DCLK1: variants seen among roughly 807,000 people sequenced by gnomAD.
DCLK1 encodes the protein serine/threonine-protein kinase DCLK1.
Under a neutral mutation model 86.2 loss-of-function variants are expected in DCLK1, and 16 were observed. The observed-to-expected ratio is 0.19, with a 90% CI of 0.13 to 0.28. DCLK1 has a LOEUF of 0.28. Among genes scored for constraint, DCLK1 ranks in the 10% least tolerant of loss-of-function variants. The pLI, the probability that DCLK1 is intolerant of heterozygous loss-of-function variation, is 1.00. For synonymous variants in DCLK1, 369 were observed against 370.5 expected (o/e 1.00, Z 0.05); for missense variants, 590 against 940.2 (o/e 0.63, Z 4.87).
Position 35,927,496 on chromosome 13 carries a change from C to T in DCLK1, c.823+19862G>A, listed in dbSNP as rs927853368. Among the ~76,000 whole-genome samples the T allele has an allele frequency of 2.6e-5, 4 of 152,106 alleles. No individual in the cohort carries two copies. The East Asian group carries it at 5.8e-4, about 22-fold the overall frequency. On this transcript the variant is annotated intron_variant, in intron 4 of 16. Coordinates refer to ENST00000360631, the MANE Select transcript of DCLK1 (RefSeq NM_001330071.2). Reference sequence around the variant, plus strand: ...GATAAGTTCATTGTTTTTGTTACACCGTTTGATTTCTCCTTATTATAAGTG... The same window carrying T: ...GATAAGTTCATTGTTTTTGTTACACTGTTTGATTTCTCCTTATTATAAGTG...
intron 3 of DCLK1, among the ~76,000 whole-genome samples, chr13:35,966,655 C>T (rs1452780415): frequency 1.3e-5 from 2 of 152,028 alleles, no homozygotes; most frequent in African/African-American, 4.8e-5. Context: ...CAGGCGCGCA[C>T]CGCCACGCCT....
At chr13:36,083,811 T>A (rs1884502330) in intron 3 of DCLK1, among the ~76,000 whole-genome samples, 1 of 152,168 alleles carries the variant, frequency 6.6e-6, no homozygotes, top group Admixed American at 6.5e-5. Flanking sequence ...GGTCTTCCAT[T>A]CTAAGCTAGG....
upstream of DCLK1, among the ~76,000 whole-genome samples, chr13:36,131,716 C>T (rs148965911): frequency 1.3e-5 from 2 of 152,212 alleles, no homozygotes; most frequent in Non-Finnish European, 2.9e-5. Context: ...GTGATATGGC[C>T]GAGAGATGAG....
rs555020337 is a variant in DCLK1, at chr13:36,015,103, A to T, written c.724-67646T>A. On this transcript the variant is annotated intron_variant, in intron 3 of 16. Coordinates refer to ENST00000360631, the MANE Select transcript of DCLK1 (RefSeq NM_001330071.2). The stretch of plus-strand genomic sequence containing the variant: ...TGGGAGCAGTGATTATGTCTCTTTC[A>T]TTCACCAATATATTTCCAGCCCTTG... Among the ~76,000 whole-genome samples, 112 of 151,316 alleles carry T rather than the reference A, an allele frequency of 7.4e-4. 1 individual carries two copies. Among genetic ancestry groups the T allele is most frequent in the Middle Eastern group, 6.8e-3 (2 of 294 alleles).
At chr13:35,797,597 A>G (rs1301203462) in intron 15 of DCLK1, among the ~76,000 whole-genome samples, 2 of 152,066 alleles carry the variant, frequency 1.3e-5, no homozygotes, top group Non-Finnish European at 2.9e-5. Context: ...AAATCTTAAA[A>G]CGTTCTAGGA....
chr13:35,831,262 G>A lies in DCLK1; in HGVS notation c.1230-2955C>T, dbSNP rs78390229. 9.1e-4 allele frequency among the ~76,000 whole-genome samples: 138 copies of A among 152,128 alleles called. 2 individuals are homozygous for A. The East Asian group carries it at 0.022, about 24-fold the overall frequency. ...TTTCTTTTTTGATTCCCTGAGGGCC[G>A]AACTACAAAGCCACATAATAAAATC... On this transcript the variant is annotated intron_variant, in intron 8 of 16. Transcript: ENST00000360631.
chr13:35,976,864 G>A (rs2153140714), intron 3 of DCLK1, among the ~76,000 whole-genome samples: 1 of 152,248 alleles, frequency 6.6e-6, no homozygotes, highest in South Asian at 2.1e-4. Context: ...GGCATGCCTG[G>A]CTGGACGCTG....
intron 4 of DCLK1, among the ~76,000 whole-genome samples, chr13:35,915,838 T>G (rs1713693946): frequency 6.6e-6 from 1 of 152,228 alleles, no homozygotes; most frequent in Admixed American, 6.5e-5. Flanking sequence ...TTACTTATGT[T>G]TTGATTGATC....
intron 3 of DCLK1, among the ~76,000 whole-genome samples, chr13:35,967,266 G>A (rs1219764827): frequency 2.0e-5 from 3 of 147,884 alleles, no homozygotes; most frequent in East Asian, 2.0e-4. Context: ...GCCTCTGCCC[G>A]GCCGCCCCGT....
chr13:36,090,286 C>T (rs888795950), intron 3 of DCLK1, among the ~76,000 whole-genome samples: 15 of 152,324 alleles, frequency 9.8e-5, no homozygotes, highest in East Asian at 1.9e-4. Flanking sequence ...CCGATAAGGA[C>T]GCACATCCTC....
At chr13:36,040,366 T>C (rs77452869) in intron 3 of DCLK1, among the ~76,000 whole-genome samples, 1 of 128,242 alleles carries the variant, frequency 7.8e-6, no homozygotes, top group Non-Finnish European at 1.7e-5. Flanking sequence ...TATTCCTCCA[T>C]AGGAATACCC....
intron 5 of DCLK1, among the ~76,000 whole-genome samples, chr13:35,858,103 A>G (rs1356666192): frequency 6.6e-6 from 1 of 152,150 alleles, no homozygotes; most frequent in Non-Finnish European, 1.5e-5. Context: ...CCTGTCAAGA[A>G]TGGATTAGAG....
intron 6 of DCLK1, chr13:35,846,883 G>T: frequency 1.0e-6 from 1 of 985,248 alleles, no homozygotes; most frequent in Non-Finnish European, 1.2e-6. Context: ...TTTGTCAACA[G>T]TTTAGAGTTT....
chr13:36,074,918 T>C (rs1200550227), intron 3 of DCLK1, among the ~76,000 whole-genome samples: 4 of 152,160 alleles, frequency 2.6e-5, no homozygotes. Flanking sequence ...TTTATAAAAC[T>C]ATGAAACAAA....
At chr13:35,903,463 T>G (rs1281832247) in intron 4 of DCLK1, among the ~76,000 whole-genome samples, 1 of 152,228 alleles carries the variant, frequency 6.6e-6, no homozygotes, top group Non-Finnish European at 1.5e-5. Context: ...GCTTGTTTCT[T>G]CCTATTTCAT....
chr13:36,036,151 C>T (rs1279995946), intron 3 of DCLK1, among the ~76,000 whole-genome samples: 2 of 152,122 alleles, frequency 1.3e-5, no homozygotes, highest in African/African-American at 4.8e-5. Context: ...CATAAGTTAC[C>T]ACCCCTTTCC....
At chr13:35,820,787 G>C (rs1220448386) in intron 11 of DCLK1, among the ~76,000 whole-genome samples, 1 of 152,156 alleles carries the variant, frequency 6.6e-6, no homozygotes, top group Non-Finnish European at 1.5e-5. Flanking sequence ...AATATGTTTA[G>C]GCTACTGTGA....
chr13:35,888,543 G>GT (rs5802790), intron 4 of DCLK1, among the ~76,000 whole-genome samples: 142,713 of 152,082 alleles, frequency 0.94, 67,002 homozygotes, highest in Middle Eastern at 0.98. Flanking sequence ...AAGTCCCTGG[G>GT]TACAGCATTT....
intron 3 of DCLK1, among the ~76,000 whole-genome samples, chr13:36,107,335 ATTTTTT>A (rs10670428): frequency 0.33 from 35,714 of 109,816 alleles, 4,591 homozygotes; most frequent in East Asian, 0.48. Flanking sequence ...GCAGTGGTAG[ATTTTTT>A]TTTTTTTTTT....
Sources: allele counts gnomAD v4.1 joint callset (sites outside exome capture counted in the v4.1 genomes callset), GRCh38; gene constraint gnomAD v4.1.1; transcripts MANE v1.5; gene names NCBI Gene and HGNC (gene_info 2026-07-23, HGNC 2026-07-21).